Variants in ABCC8 observed in about 807,000 individuals in gnomAD.
ABCC8 encodes ATP binding cassette subfamily C member 8, also known as ATP-binding cassette sub-family C member 8.
A neutral mutation model predicts 188.0 loss-of-function variants in ABCC8; 137 were observed. The ratio of observed to expected loss-of-function variants is 0.73; its 90% CI spans 0.63 to 0.84. The LOEUF is 0.84. Ranked by LOEUF, ABCC8 falls within the 40% of genes least tolerant of loss-of-function variation. The pLI is 0.00. For missense variants in ABCC8, 1,750 were observed against 2,072.7 expected, an observed-to-expected ratio of 0.84 and a Z score of 3.02; for synonymous variants, 797 against 846.5, an observed-to-expected ratio of 0.94 and a Z score of 1.01.
chr11:17,460,938 T>C (rs1564975583), intron 5 of ABCC8: 1 of 602,198 alleles, frequency 1.7e-6, no homozygotes, highest in Non-Finnish European at 2.8e-6. Flanking sequence ...GACTATGTGA[T>C]GAGCACAGCA....
At position 17,407,445 on chromosome 11, in the gene ABCC8, G is replaced by C; in HGVS notation, c.2829C>G (p.Val943=). The C allele has an allele frequency of 6.2e-7, 1 of 1,614,118 alleles. No individual in the cohort carries two copies. The highest frequency in any genetic ancestry group is 1.7e-5 in the Admixed American group (1 of 60,010). ...GTGGCTCTGTGGCTTTTCTCTCTGTGACAGTCTCCTAAAAGACAGATGTGG... is the reference window on the plus strand; with the variant it reads ...GTGGCTCTGTGGCTTTTCTCTCTGTCACAGTCTCCTAAAAGACAGATGTGG... ...RQDQELEKET[V]TERKATEPPQ... The change falls in exon 24 of 39, where the codon GTC becomes GTG. Residue 943 remains valine (V), a synonymous_variant. Transcript: ENST00000389817.
At chr11:17,393,318 CCTT>C (rs1953726271) in intron 38 of ABCC8, 190 bp from the exon 39 acceptor site, 1 of 782,688 alleles carries the variant, frequency 1.3e-6, no homozygotes, top group Non-Finnish European at 2.0e-6. Context: ...CTAATACCAC[CCTT>C]CTCTCCTCTC....
chr11:17,457,384 T>A (rs2133660483), intron 6 of ABCC8, among the ~76,000 whole-genome samples: 1 of 152,180 alleles, frequency 6.6e-6, no homozygotes, highest in East Asian at 1.9e-4. Flanking sequence ...ACATACACCC[T>A]CCCAAACCTA....
intron 7 of ABCC8, among the ~76,000 whole-genome samples, chr11:17,450,263 TTTCTTTCTTTC>T (rs1956721168): frequency 1.3e-5 from 1 of 77,938 alleles, no homozygotes; most frequent in South Asian, 5.1e-4. Flanking sequence ...TTTCTTTCTC[TTTCTTTCTTTC>T]TTTCTTTCTT....
intron 2 of ABCC8, among the ~76,000 whole-genome samples, chr11:17,474,118 A>G (rs1490125909): frequency 6.6e-6 from 1 of 152,054 alleles, no homozygotes; most frequent in Non-Finnish European, 1.5e-5. Context: ...CCTCTCAACC[A>G]TGGAGCTTGC....
At chr11:17,456,138 G>T (rs970366090) in intron 6 of ABCC8, among the ~76,000 whole-genome samples, 1 of 152,044 alleles carries the variant, frequency 6.6e-6, no homozygotes, top group Non-Finnish European at 1.5e-5. Context: ...CTGACACTTG[G>T]TGGAAGAAAA....
chr11:17,463,409 C>G lies in ABCC8; in HGVS notation c.579+29G>C, dbSNP rs145986097. On this transcript the variant is annotated intron_variant, in intron 4 of 38. Coordinates refer to ENST00000389817, the MANE Select transcript of ABCC8 (RefSeq NM_000352.6). The stretch of plus-strand genomic sequence containing the variant: ...CAGAGGCCAGAGCCTCTGCTTCCCA[C>G]CCCACCCTGGCCCAGGTGGCCTGCT... 3.1e-3 allele frequency: 4,817 copies of G among 1,573,960 alleles called. 54 individuals are homozygous for G. The highest frequency in any genetic ancestry group is 0.027 in the African/African-American group (2,024 of 74,252).
In ABCC8 at chr11:17,445,628, T is replaced by A. The variant is rs115444929; in HGVS notation, c.1333-2316A>T. Among the ~76,000 whole-genome samples the A allele has an allele frequency of 1.0e-2, 1,522 of 152,318 alleles. 14 individuals are homozygous for A. The highest frequency in any genetic ancestry group is 0.029 in the African/African-American group (1,191 of 41,560). ...GCACACAGAATCCTAACCACATGAG[T>A]TTCTTTGCCATGGGGCTGGGATTGT... On this transcript the variant is annotated intron_variant, in intron 8 of 38. Transcript: ENST00000389817.
At chr11:17,408,227 G>A in intron 23 of ABCC8, 165 bp downstream of exon 23, 1 of 660,006 alleles carries the variant, frequency 1.5e-6, no homozygotes, top group Non-Finnish European at 2.6e-6. Flanking sequence ...ACCTGGCACA[G>A]GTACTGTCTC....
chr11:17,395,953 C>T lies in ABCC8; in HGVS notation c.4120-23G>A, dbSNP rs17846757. On this transcript the variant is annotated intron_variant, in intron 33 of 38. Transcript: ENST00000389817. ...GATCTGGAAAGAGAGAAGCAGGCAC[C>T]GCCACTGGGACTCTGGGGCTGCTGG... The T allele has an allele frequency of 3.4e-5, 53 of 1,559,982 alleles. No homozygotes were observed. The Middle Eastern group carries it at 1.5e-3, about 44-fold the overall frequency.
intron 10 of ABCC8, among the ~76,000 whole-genome samples, chr11:17,433,107 C>A (rs968772645): frequency 6.6e-6 from 1 of 152,198 alleles, no homozygotes; most frequent in Non-Finnish European, 1.5e-5. Context: ...CTTAGCCCTG[C>A]TCCACAGGTC....
At chr11:17,452,266 C>T (rs1270962702) in intron 7 of ABCC8, among the ~76,000 whole-genome samples, 3 of 152,154 alleles carry the variant, frequency 2.0e-5, no homozygotes, top group Non-Finnish European at 4.4e-5. Context: ...GAAGGCAGGA[C>T]CAAGAGCCTA....
At chr11:17,437,953 T>C (rs1037061412) in intron 10 of ABCC8, among the ~76,000 whole-genome samples, 4 of 152,114 alleles carry the variant, frequency 2.6e-5, no homozygotes, top group African/African-American at 9.7e-5. Context: ...ACAAAAAATA[T>C]TACTGGGCAT....
chr11:17,447,651 G>C (rs1046875309), intron 8 of ABCC8, among the ~76,000 whole-genome samples: 2 of 152,140 alleles, frequency 1.3e-5, no homozygotes, highest in African/African-American at 4.8e-5. Context: ...CCAGGCTGGA[G>C]TGCAGTGGTG....
intron 6 of ABCC8, among the ~76,000 whole-genome samples, chr11:17,455,428 T>C (rs1439172813): frequency 1.3e-5 from 2 of 151,940 alleles, no homozygotes; most frequent in Non-Finnish European, 2.9e-5. Flanking sequence ...AAATTCTGGT[T>C]TTGCAGCTCT....
In ABCC8 at chr11:17,394,175, G is replaced by A. The variant is rs776413731; in HGVS notation, c.4545+91C>T. 15 of 1,495,400 alleles carry A rather than the reference G, an allele frequency of 1.0e-5. No individual in the cohort carries two copies. The Admixed American group carries it at 2.2e-4, about 22-fold the overall frequency. 92.6% of individuals were successfully genotyped at this position (1,495,400 alleles called of 1,614,324 possible). On this transcript the variant is annotated intron_variant, in intron 37 of 38. Coordinates refer to ENST00000389817, the MANE Select transcript of ABCC8 (RefSeq NM_000352.6). Reference sequence around the variant, plus strand: ...TAGCATTTGATGTTAGAGGCAACTTGAGCCTCAGGACTACTTCGTGCAAAT... The same window carrying A: ...TAGCATTTGATGTTAGAGGCAACTTAAGCCTCAGGACTACTTCGTGCAAAT...
intron 12 of ABCC8, chr11:17,429,660 A>T (rs1267009877): frequency 6.6e-6 from 1 of 152,234 alleles, no homozygotes; most frequent in African/African-American, 2.4e-5. Context: ...TCAGTGCAAC[A>T]GTTTTCAGGC....
intron 35 of ABCC8, 71 bp from the exon 36 acceptor site, chr11:17,395,346 G>T: frequency 6.5e-7 from 1 of 1,550,224 alleles, no homozygotes; most frequent in East Asian, 2.4e-5. Context: ...CGGCAAAGAG[G>T]GCAGTGAGCG....
At position 17,427,011 on chromosome 11, in the gene ABCC8, A is replaced by C; in HGVS notation, c.2222+38T>G. On this transcript the variant is annotated intron_variant, in intron 16 of 38. Transcript: ENST00000389817. This position sits in a 1 kb window ranked among gnomAD's most constrained non-coding sequence, Gnocchi z 5.0. ...AACTGAGGAGGATGGTTAAAAGGAG[A>C]TTTCCCCTCCACTGGGCCCTGAGGA... 3.8e-6 allele frequency: 6 copies of C among 1,581,154 alleles called. No homozygotes were observed. Among genetic ancestry groups the C allele is most frequent in the Non-Finnish European group, 5.2e-6 (6 of 1,152,480 alleles).
Sources: allele counts gnomAD v4.1 joint callset (sites outside exome capture counted in the v4.1 genomes callset), GRCh38; gene constraint gnomAD v4.1.1; non-coding constraint Gnocchi (gnomAD v3.1); transcripts MANE v1.5; gene names NCBI Gene and HGNC (gene_info 2026-07-23, HGNC 2026-07-21).